RBL2: variants seen among roughly 807,000 people sequenced by gnomAD.
RBL2 encodes the protein retinoblastoma-like protein 2.
A neutral mutation model predicts 126.0 loss-of-function variants in RBL2; 56 were observed. The observed-to-expected ratio is 0.44, with a 90% CI of 0.36 to 0.56. RBL2 has a LOEUF of 0.56. Ranked by LOEUF, RBL2 falls within the 20% of genes least tolerant of loss-of-function variation. The pLI is 0.00. For missense variants in RBL2, 1,229 were observed against 1,398.2 expected (o/e 0.88, Z 1.93); for synonymous variants, 454 against 478.5 (o/e 0.95, Z 0.67).
chr16:53,472,441 C>T (rs1960555952), intron 17 of RBL2, among the ~76,000 whole-genome samples: 1 of 152,162 alleles, frequency 6.6e-6, no homozygotes, highest in African/African-American at 2.4e-5. Context: ...TTATTATAGC[C>T]ATCTTAGCGG....
chr16:53,460,421 T>G (rs2058209065), intron 9 of RBL2, among the ~76,000 whole-genome samples: 1 of 152,222 alleles, frequency 6.6e-6, no homozygotes. Flanking sequence ...GAAGTCTGCT[T>G]TATTCATAAA....
At chr16:53,437,743 A>G (rs1274522060) in intron 1 of RBL2, among the ~76,000 whole-genome samples, 1 of 151,844 alleles carries the variant, frequency 6.6e-6, no homozygotes, top group Non-Finnish European at 1.5e-5. Context: ...AATATAAACA[A>G]TAGGCCAGGC....
At chr16:53,446,927 C>A in intron 3 of RBL2, 115 bp from the exon 4 acceptor site, 1 of 502,584 alleles carries the variant, frequency 2.0e-6, no homozygotes, top group Non-Finnish European at 3.5e-6. Context: ...GAAGCTGAAT[C>A]TGTTGTCTCT....
In RBL2 at chr16:53,490,939, T is replaced by G. The variant is rs1961405543; in HGVS notation, c.*639T>G. On this transcript the variant is annotated 3_prime_UTR_variant, in exon 22 of 22. Transcript: ENST00000262133. Reference sequence around the variant, plus strand: ...GTGAACCTGTATAAGTGGAGGCACTTTAGGGCTGTAAAATGCATGATTTTG... The same window carrying G: ...GTGAACCTGTATAAGTGGAGGCACTGTAGGGCTGTAAAATGCATGATTTTG... 6.6e-6 allele frequency: 1 copy of G among 152,620 alleles called. No homozygotes were observed. The highest frequency in any genetic ancestry group is 1.5e-5 in the Non-Finnish European group (1 of 68,032). 9.5% of individuals were successfully genotyped at this position (152,620 alleles called of 1,614,324 possible).
Position 53,490,444 on chromosome 16 carries a change from G to C in RBL2, c.*144G>C, listed in dbSNP as rs1961374030. The C allele has an allele frequency of 3.4e-6, 2 of 583,950 alleles. No homozygotes were observed. Among genetic ancestry groups the C allele is most frequent in the African/African-American group, 1.9e-5 (1 of 52,304 alleles). The allele number at this position is 583,950 out of a possible 1,614,324, so 36.2% of individuals were successfully genotyped here. A position where few individuals can be genotyped will look rare whatever the true frequency, so the allele number is the denominator to read the frequency against. ...GAGGGGACATTTTGGTGAGAAATGG[G>C]ACTTAACTCCTTCCAGTGTCCTTAG... is the stretch of plus-strand genomic sequence containing the variant. On this transcript the variant is annotated 3_prime_UTR_variant, in exon 22 of 22. Transcript: ENST00000262133.
chr16:53,460,249 C>T (rs1416564690), intron 9 of RBL2, among the ~76,000 whole-genome samples: 1 of 152,178 alleles, frequency 6.6e-6, no homozygotes, highest in African/African-American at 2.4e-5. Context: ...TCCAAGGTCC[C>T]TCTCAGTCCT....
intron 8 of RBL2, 71 bp downstream of exon 8, chr16:53,454,913 A>C (rs2058152759): frequency 2.2e-6 from 3 of 1,338,712 alleles, no homozygotes; most frequent in African/African-American, 1.5e-5. Flanking sequence ...TTATTTTGGT[A>C]ATTTCATGTT....
rs199930005 is a variant in RBL2, at chr16:53,470,000, A to T, written c.2060A>T (p.Asp687Val). ...AGAAGGCGGCTATTTGTTGAGAATGATAGCCCCTCTGATGGAGGGACGCCT... is the reference window on the plus strand; with the variant it reads ...AGAAGGCGGCTATTTGTTGAGAATGTTAGCCCCTCTGATGGAGGGACGCCT... ...TTRRRLFVEN[D>V]SPSDGGTPGR... Residue 687 changes from aspartate (D) to valine (V), a missense_variant, in exon 15 of 22, where the codon GAT becomes GTT. Asp to Val is a radical substitution (Grantham distance 152, BLOSUM62 -3). Transcript: ENST00000262133. The T allele has an allele frequency of 6.8e-6, 11 of 1,614,180 alleles. No individual in the cohort carries two copies. Among genetic ancestry groups the T allele is most frequent in the South Asian group, 1.1e-5 (1 of 91,086 alleles).
At chr16:53,467,842 T>C (rs2058286379) in intron 14 of RBL2, among the ~76,000 whole-genome samples, 2 of 152,228 alleles carry the variant, frequency 1.3e-5, no homozygotes, top group Non-Finnish European at 2.9e-5. Flanking sequence ...CAAATACATA[T>C]TACTTTTAAA....
chr16:53,437,957 G>T (rs536492440), intron 1 of RBL2, among the ~76,000 whole-genome samples: 5 of 151,988 alleles, frequency 3.3e-5, no homozygotes, highest in African/African-American at 1.2e-4. Context: ...AACCTGGGAG[G>T]CAGAGCTTGG....
At chr16:53,489,330 A>G (rs1961304104) in intron 21 of RBL2, 1 of 152,208 alleles carries the variant, frequency 6.6e-6, no homozygotes, top group African/African-American at 2.4e-5. Flanking sequence ...TATGTTTACA[A>G]TTTCCTATAA....
intron 21 of RBL2, among the ~76,000 whole-genome samples, chr16:53,485,985 A>C (rs564124947): frequency 6.6e-6 from 1 of 152,100 alleles, no homozygotes. Flanking sequence ...AAGTATAATG[A>C]AAGATAAAGA....
At chr16:53,460,269 T>C (rs2058207785) in intron 9 of RBL2, among the ~76,000 whole-genome samples, 1 of 152,206 alleles carries the variant, frequency 6.6e-6, no homozygotes, top group South Asian at 2.1e-4. Flanking sequence ...TAAAACCTTA[T>C]GATATGATAA....
At chr16:53,488,885 G>A (rs374406408) in intron 21 of RBL2, 10 of 152,262 alleles carry the variant, frequency 6.6e-5, no homozygotes, top group South Asian at 4.1e-4. Flanking sequence ...CAGAAAGGGG[G>A]CTAGAAAAAG....
At chr16:53,435,575 C>T in intron 1 of RBL2, 1 of 1,232,110 alleles carries the variant, frequency 8.1e-7, no homozygotes. Context: ...TTGTATGCAC[C>T]TCCCCTTCAT....
rs551332493 is a variant in RBL2, at chr16:53,490,291, T to C, written c.3411T>C (p.Gly1137=). The change falls in exon 22 of 22, where the codon GGT becomes GGC. Residue 1137 remains glycine (G), a synonymous_variant. Coordinates refer to ENST00000262133, the MANE Select transcript of RBL2 (RefSeq NM_005611.4). ...TCCAAGATGTAGCTAATGACCGTGG[T>C]TCCCACTGAGGTTAGTCTCTTGTAT... ...RRLQDVANDR[G]SH 3.7e-5 allele frequency: 59 copies of C among 1,608,318 alleles called. 1 individual carries two copies. In the South Asian group the frequency reaches 6.3e-4, roughly 17 times the overall value.
At chr16:53,467,213 G>T (rs1399683111) in intron 14 of RBL2, 44 bp downstream of exon 14, 1 of 1,483,866 alleles carries the variant, frequency 6.7e-7, no homozygotes, top group Non-Finnish European at 9.4e-7. Context: ...CTTACTATCT[G>T]GAAATTTAAA....
At chr16:53,440,183 C>A (rs1293062344) in intron 2 of RBL2, among the ~76,000 whole-genome samples, 7 of 151,832 alleles carry the variant, frequency 4.6e-5, no homozygotes, top group Non-Finnish European at 1.0e-4. Context: ...GTAATCTTAG[C>A]TACTCAGGAA....
chr16:53,454,439 G>A (rs781278115), intron 7 of RBL2: 9 of 477,206 alleles, frequency 1.9e-5, no homozygotes, highest in African/African-American at 6.0e-5. Flanking sequence ...TCCTGACTTC[G>A]TGATCCACCT....
Sources: allele counts gnomAD v4.1 joint callset (sites outside exome capture counted in the v4.1 genomes callset), GRCh38; gene constraint gnomAD v4.1.1; transcripts MANE v1.5; gene names NCBI Gene and HGNC (gene_info 2026-07-23, HGNC 2026-07-21).